The following UMAD1 variants were observed in gnomAD, a reference collection of about 807,000 sequenced individuals.
UMAD1 encodes the protein UBAP1-MVB12-associated (UMA)-domain containing protein 1.
Under a neutral mutation model 6.1 loss-of-function variants are expected in UMAD1, and 8 were observed. The ratio of observed to expected loss-of-function variants is 1.30; its 90% CI spans 0.76 to 2.35. The LOEUF (loss-of-function observed/expected upper bound fraction) is 2.35. Ranked by LOEUF, UMAD1 falls within the 30% of genes most tolerant of loss-of-function variation. The pLI is 0.00. For missense variants in UMAD1, 130 were observed against 78.4 expected, an observed-to-expected ratio of 1.66 and a Z score of -2.49; for synonymous variants, 56 against 31.4, an observed-to-expected ratio of 1.78 and a Z score of -2.61.
chr7:7,821,029 G>A (rs900078871), intron 3 of UMAD1, among the ~76,000 whole-genome samples: 13 of 152,114 alleles, frequency 8.5e-5, no homozygotes, highest in African/African-American at 3.1e-4. Context: ...GACTTTTTTA[G>A]GATTCAATTC....
intron 3 of UMAD1, among the ~76,000 whole-genome samples, chr7:7,831,745 G>A (rs1291640210): frequency 6.6e-6 from 1 of 152,110 alleles, no homozygotes; most frequent in African/African-American, 2.4e-5. Context: ...AGTATTGTGA[G>A]ATTAATTAAT....
chr7:7,860,788 AT>A (rs200405283), intron 3 of UMAD1, among the ~76,000 whole-genome samples: 23,046 of 62,034 alleles, frequency 0.37, 2,497 homozygotes, highest in Middle Eastern at 0.52. Context: ...AAAAAAAAAA[AT>A]AACAAAAAAA....
At chr7:7,666,509 G>A (rs1779461114) in intron 1 of UMAD1, among the ~76,000 whole-genome samples, 1 of 151,844 alleles carries the variant, frequency 6.6e-6, no homozygotes, top group East Asian at 1.9e-4. Context: ...TACCTGACCG[G>A]GGCAAATCTT....
At chr7:7,706,295 A>C (rs1780597570) in intron 2 of UMAD1, among the ~76,000 whole-genome samples, 1 of 152,164 alleles carries the variant, frequency 6.6e-6, no homozygotes, top group Admixed American at 6.6e-5. Context: ...GATTTTGGGA[A>C]AATCTAGAAG....
chr7:7,818,017 A>G (rs1315296522), intron 3 of UMAD1, among the ~76,000 whole-genome samples: 2 of 152,112 alleles, frequency 1.3e-5, no homozygotes, highest in Non-Finnish European at 2.9e-5. Context: ...AGGTACATGC[A>G]CAGGATGTGC....
intron 2 of UMAD1, among the ~76,000 whole-genome samples, chr7:7,754,010 C>G (rs546510932): frequency 6.6e-6 from 1 of 152,058 alleles, no homozygotes; most frequent in South Asian, 2.1e-4. Flanking sequence ...ATGGTGAAAC[C>G]CTGTCTCTAC....
chr7:7,736,422 G>T (rs1781360732), intron 2 of UMAD1: 1 of 152,908 alleles, frequency 6.5e-6, no homozygotes, highest in African/African-American at 2.4e-5. Context: ...CTCTTCACCT[G>T]CCGAGTTTCT....
intron 3 of UMAD1, among the ~76,000 whole-genome samples, chr7:7,857,463 G>A (rs562398016): frequency 6.6e-6 from 1 of 152,314 alleles, no homozygotes; most frequent in South Asian, 2.1e-4. Flanking sequence ...CTTGCCAAGT[G>A]CTATGGGCTA....
In UMAD1 at chr7:7,835,462, C is replaced by CTTTTTTTTT. The variant is rs150411259; in HGVS notation, c.156+33749_156+33757dup. Among the ~76,000 whole-genome samples the CTTTTTTTTT allele has an allele frequency of 3.6e-4, 12 of 33,684 alleles. 2 individuals are homozygous for CTTTTTTTTT. The highest frequency in any genetic ancestry group is 1.3e-3 in the South Asian group (1 of 770). 22.1% of individuals were successfully genotyped at this position (33,684 alleles called of 152,430 possible). ...CATTCATTCACTCATTGAAACAGCA[C>CTTTTTTTTT]TTTTTTTTTTTTTTTTTTTTTTTTT... On this transcript the variant is annotated intron_variant, in intron 3 of 3. Coordinates refer to ENST00000682710, the MANE Select transcript of UMAD1 (RefSeq NM_001302348.2).
intron 2 of UMAD1, among the ~76,000 whole-genome samples, chr7:7,701,443 C>T (rs894418334): frequency 1.3e-5 from 2 of 152,192 alleles, no homozygotes; most frequent in Non-Finnish European, 2.9e-5. Flanking sequence ...CTGTCCTGCT[C>T]AACTTCATTT....
At chr7:7,800,346 G>T (rs1408654978) in intron 2 of UMAD1, among the ~76,000 whole-genome samples, 3 of 152,174 alleles carry the variant, frequency 2.0e-5, no homozygotes, top group Admixed American at 2.0e-4. Flanking sequence ...CATTTTGTGG[G>T]TTAATTTATC....
intron 3 of UMAD1, among the ~76,000 whole-genome samples, chr7:7,803,205 G>C (rs557169178): frequency 1.3e-5 from 2 of 152,396 alleles, no homozygotes; most frequent in South Asian, 4.1e-4. Context: ...GCTGGGCGTA[G>C]TGGCCCATAC....
chr7:7,688,068 T>C (rs1780081468), intron 2 of UMAD1, among the ~76,000 whole-genome samples: 1 of 152,192 alleles, frequency 6.6e-6, no homozygotes, highest in African/African-American at 2.4e-5. Flanking sequence ...TTAACCCATG[T>C]TGAGTTTGGA....
In UMAD1 at chr7:7,802,190, C is replaced by G. The variant is rs113334717; in HGVS notation, c.156+447C>G. Among the ~76,000 whole-genome samples, 580 of 152,268 alleles carry G rather than the reference C, an allele frequency of 3.8e-3. 3 individuals are homozygous for G. The highest frequency in any genetic ancestry group is 0.013 in the African/African-American group (554 of 41,552). On this transcript the variant is annotated intron_variant, in intron 3 of 3. Transcript: ENST00000682710. ...GTCAAGAGATCAAGACCATCCTGGCCAACATGGTGAAACCCCATCTCTACT... is the reference window on the plus strand; with the variant it reads ...GTCAAGAGATCAAGACCATCCTGGCGAACATGGTGAAACCCCATCTCTACT...
chr7:7,766,590 T>A (rs1031061608), intron 2 of UMAD1, among the ~76,000 whole-genome samples: 1 of 152,226 alleles, frequency 6.6e-6, no homozygotes, highest in Non-Finnish European at 1.5e-5. Flanking sequence ...CTTACAGCCC[T>A]CTTTAGGCAA....
intron 2 of UMAD1, among the ~76,000 whole-genome samples, chr7:7,718,144 G>A (rs902025395): frequency 2.0e-5 from 3 of 152,134 alleles, no homozygotes; most frequent in African/African-American, 4.8e-5. Flanking sequence ...AGTAAAACTG[G>A]TATTAATTTG....
chr7:7,732,836 A>G (rs1781282940), intron 2 of UMAD1, among the ~76,000 whole-genome samples: 1 of 152,206 alleles, frequency 6.6e-6, no homozygotes, highest in African/African-American at 2.4e-5. Flanking sequence ...AATGTGTTAT[A>G]TGGAAAAACC....
At chr7:7,680,899 G>A (rs775080066) in intron 2 of UMAD1, among the ~76,000 whole-genome samples, 1 of 151,854 alleles carries the variant, frequency 6.6e-6, no homozygotes, top group South Asian at 2.1e-4. Flanking sequence ...TTTGTATGCC[G>A]TAACCTTACT....
At chr7:7,836,376 T>A (rs955898968) in intron 3 of UMAD1, among the ~76,000 whole-genome samples, 1 of 152,052 alleles carries the variant, frequency 6.6e-6, no homozygotes, top group Non-Finnish European at 1.5e-5. Context: ...AAATGATCAC[T>A]CTATGGTTTT....
Sources: gnomAD v4.1 joint callset for allele counts (sites outside exome capture counted in the v4.1 genomes callset) on GRCh38, gnomAD v4.1.1 for gene constraint, MANE v1.5 for transcripts, NCBI Gene and HGNC (gene_info 2026-07-23, HGNC 2026-07-21) for gene names.